KALRN: variants seen among roughly 807,000 people sequenced by gnomAD.
KALRN encodes the protein kalirin.
A neutral mutation model predicts 353.7 loss-of-function variants in KALRN; 70 were observed. The ratio of observed to expected loss-of-function variants is 0.20; its 90% CI spans 0.16 to 0.24. The LOEUF (loss-of-function observed/expected upper bound fraction) is 0.24, where lower values mean the gene tolerates loss of function less well. Ranked by LOEUF, KALRN falls within the 10% of genes least tolerant of loss-of-function variation. The pLI, the probability that KALRN is intolerant of heterozygous loss-of-function variation, is 1.00. For missense variants in KALRN, 2,791 were observed against 3,756.7 expected, an observed-to-expected ratio of 0.74 and a Z score of 6.72; for synonymous variants, 1,391 against 1,434.8, an observed-to-expected ratio of 0.97 and a Z score of 0.69.
intron 1 of KALRN, among the ~76,000 whole-genome samples, chr3:124,153,803 T>C (rs1305005872): frequency 6.6e-6 from 1 of 151,634 alleles, no homozygotes; most frequent in South Asian, 2.1e-4. Flanking sequence ...TTTTAATGAT[T>C]GCCATTCTAA....
At position 124,697,657 on chromosome 3, in the gene KALRN, C is replaced by T; in HGVS notation, c.7764C>T (p.Arg2588=). Residue 2588 remains arginine (R), a synonymous_variant, in exon 55 of 60, where the codon CGC becomes CGT. Coordinates refer to ENST00000682506, the MANE Select transcript of KALRN (RefSeq NM_001388419.1). The stretch of plus-strand genomic sequence containing the variant: ...GAAGCTGCACCTCCGTGATTCTCCG[C>T]TGGCTGCCCCCCTCCAGCACAGGAA... The part of the protein sequence containing the change: ...QERSCTSVIL[R]WLPPSSTGNC... The T allele has an allele frequency of 1.2e-6, 2 of 1,609,016 alleles. No individual in the cohort carries two copies. Among genetic ancestry groups the T allele is most frequent in the Non-Finnish European group, 8.5e-7 (1 of 1,177,668 alleles).
rs1450775661 is a variant in KALRN at position 124,455,374 on chromosome 3, T to C, written c.3735+15T>C. ...TCAACACAGAGGTAGGCAGGGGTAT[T>C]GTCCTCTGGGACATCCTCCCTTCTC... On this transcript the variant is annotated intron_variant, in intron 22 of 59. Transcript: ENST00000682506. 7.4e-6 allele frequency: 12 copies of C among 1,611,344 alleles called. No individual in the cohort carries two copies. Among genetic ancestry groups the C allele is most frequent in the Non-Finnish European group, 1.0e-5 (12 of 1,178,096 alleles).
intron 1 of KALRN, chr3:124,082,123 A>G: frequency 2.6e-6 from 1 of 385,114 alleles, no homozygotes; most frequent in South Asian, 2.1e-5. Flanking sequence ...CTGTCCCTGG[A>G]TGCCCAGCTG....
chr3:124,518,862 C>T, intron 33 of KALRN: 2 of 1,038,950 alleles, frequency 1.9e-6, no homozygotes, highest in Non-Finnish European at 2.3e-6. Flanking sequence ...ACACACTTAT[C>T]TCTGAAGTTT....
chr3:124,052,327 T>C (rs1445318350), intron 1 of KALRN, among the ~76,000 whole-genome samples: 1 of 152,166 alleles, frequency 6.6e-6, no homozygotes, highest in Non-Finnish European at 1.5e-5. Context: ...TCTGGGCCTG[T>C]GTTAAAAAGC....
At chr3:124,700,218 A>G (rs910579256) in intron 56 of KALRN, among the ~76,000 whole-genome samples, 185 bp downstream of exon 56, 1 of 152,204 alleles carries the variant, frequency 6.6e-6, no homozygotes, top group Non-Finnish European at 1.5e-5. Context: ...GTCTGCACCC[A>G]TGCCTACCCC....
chr3:124,066,461 C>T (rs552409910), intron 1 of KALRN, among the ~76,000 whole-genome samples: 2 of 152,048 alleles, frequency 1.3e-5, no homozygotes, highest in Admixed American at 1.3e-4. Flanking sequence ...TGTTGGGTAA[C>T]CTGAGGAAGG....
intron 34 of KALRN, among the ~76,000 whole-genome samples, chr3:124,567,982 A>G (rs1001562048): frequency 1.3e-5 from 2 of 149,038 alleles, no homozygotes; most frequent in Non-Finnish European, 3.0e-5. Flanking sequence ...CTCAGGGGGA[A>G]AAAAAAAGAA....
chr3:124,142,361 A>C (rs1286699544), intron 1 of KALRN, among the ~76,000 whole-genome samples: 1 of 152,184 alleles, frequency 6.6e-6, no homozygotes, highest in Non-Finnish European at 1.5e-5. Context: ...CTTCAGCTTG[A>C]GGGCTGTCTC....
chr3:124,681,502 T>C (rs1318124414), intron 51 of KALRN, among the ~76,000 whole-genome samples: 1 of 152,154 alleles, frequency 6.6e-6, no homozygotes, highest in African/African-American at 2.4e-5. Flanking sequence ...AAAGTTTCCT[T>C]TAGGCACAAA....
chr3:124,584,921 G>T, intron 34 of KALRN: 1 of 1,589,494 alleles, frequency 6.3e-7, no homozygotes, highest in Non-Finnish European at 8.6e-7. Flanking sequence ...GTGGCTGTCG[G>T]CGGCCTTGGT....
rs188742809 is a variant in KALRN at position 124,105,105 on chromosome 3, G to A, written c.73+71292G>A. Among the ~76,000 whole-genome samples the A allele has an allele frequency of 2.3e-3, 353 of 152,262 alleles. 4 individuals carry two copies. Among genetic ancestry groups the A allele is most frequent in the African/African-American group, 8.2e-3 (339 of 41,556 alleles). The stretch of plus-strand genomic sequence containing the variant: ...GAAAAAGAAAATGGATGTGAAGGAA[G>A]CATTGGCCTATGGAGAGGAAGGAAG... On this transcript the variant is annotated intron_variant, in intron 1 of 59. Coordinates refer to ENST00000682506, the MANE Select transcript of KALRN (RefSeq NM_001388419.1).
chr3:124,452,839 A>G (rs1206571045), intron 21 of KALRN, among the ~76,000 whole-genome samples: 1 of 152,198 alleles, frequency 6.6e-6, no homozygotes, highest in Non-Finnish European at 1.5e-5. Context: ...TGATGTTTTA[A>G]GATATAATTT....
At chr3:124,242,741 G>A (rs570522573) in intron 3 of KALRN, among the ~76,000 whole-genome samples, 1 of 152,246 alleles carries the variant, frequency 6.6e-6, no homozygotes, top group African/African-American at 2.4e-5. Context: ...GGCTTCTGCT[G>A]GCCAAGGCAA....
chr3:124,567,294 C>T (rs2072970765), intron 34 of KALRN, among the ~76,000 whole-genome samples: 1 of 152,166 alleles, frequency 6.6e-6, no homozygotes, highest in Non-Finnish European at 1.5e-5. Context: ...AAGGTGACCT[C>T]CCTGAAGCCA....
chr3:124,219,817 G>A (rs1015490503), intron 1 of KALRN, among the ~76,000 whole-genome samples: 2 of 152,102 alleles, frequency 1.3e-5, no homozygotes, highest in African/African-American at 4.8e-5. Context: ...GGAGAGGCAT[G>A]TGGGTCTCCA....
chr3:124,375,577 A>G (rs1241887166), intron 10 of KALRN, among the ~76,000 whole-genome samples: 1 of 152,166 alleles, frequency 6.6e-6, no homozygotes, highest in Non-Finnish European at 1.5e-5. Context: ...GTTTTCTGGA[A>G]TCTGGACTGT....
At chr3:124,475,609 A>G (rs142792491) in intron 26 of KALRN, among the ~76,000 whole-genome samples, 273 of 152,300 alleles carry the variant, frequency 1.8e-3, no homozygotes, top group Middle Eastern at 3.4e-3. Context: ...CATGATTCAG[A>G]GAGTTTATGT....
intron 1 of KALRN, among the ~76,000 whole-genome samples, chr3:124,112,890 T>C (rs2149518911): frequency 6.6e-6 from 1 of 152,268 alleles, no homozygotes; most frequent in East Asian, 1.9e-4. Flanking sequence ...TATCTACATG[T>C]ACTTGTAGAT....
Sources: gnomAD v4.1 joint callset for allele counts (sites outside exome capture counted in the v4.1 genomes callset) on GRCh38, gnomAD v4.1.1 for gene constraint, MANE v1.5 for transcripts, NCBI Gene and HGNC (gene_info 2026-07-23, HGNC 2026-07-21) for gene names.